The following MACROD2 variants were observed in gnomAD, a reference collection of about 807,000 sequenced individuals.
MACROD2 encodes ADP-ribose glycohydrolase MACROD2.
Under a neutral mutation model 70.4 loss-of-function variants are expected in MACROD2, and 36 were observed. The observed-to-expected ratio is 0.51, with a 90% CI of 0.39 to 0.68. The LOEUF is 0.68. MACROD2 is among the 30% of genes least tolerant of loss of function. MACROD2 has a pLI of 0.00. For missense variants in MACROD2, 496 were observed against 538.4 expected, an observed-to-expected ratio of 0.92 and a Z score of 0.78; for synonymous variants, 172 against 178.8, an observed-to-expected ratio of 0.96 and a Z score of 0.30.
At chr20:15,672,612 C>G (rs983919693) in intron 8 of MACROD2, among the ~76,000 whole-genome samples, 1 of 152,114 alleles carries the variant, frequency 6.6e-6, no homozygotes, top group Admixed American at 6.5e-5. Flanking sequence ...CCAATTCACA[C>G]GACATATTCT....
At chr20:14,289,158 T>C (rs937888549) in intron 3 of MACROD2, among the ~76,000 whole-genome samples, 4 of 152,160 alleles carry the variant, frequency 2.6e-5, no homozygotes, top group African/African-American at 4.8e-5. Context: ...GGGACTCTAT[T>C]CAGTACAGAT....
intron 8 of MACROD2, among the ~76,000 whole-genome samples, chr20:15,789,629 T>C (rs924996069): frequency 6.6e-6 from 1 of 151,564 alleles, no homozygotes; most frequent in Non-Finnish European, 1.5e-5. Flanking sequence ...ATCTGCAGAA[T>C]GAAAAGGAGG....
At chr20:16,034,612 T>TTTTG in intron 15 of MACROD2, among the ~76,000 whole-genome samples, 1 of 152,124 alleles carries the variant, frequency 6.6e-6, no homozygotes, top group Middle Eastern at 3.4e-3. Context: ...ACAGTTTATT[T>TTTTG]TTTGTTTGTT....
intron 8 of MACROD2, among the ~76,000 whole-genome samples, chr20:15,675,379 A>C (rs1290352780): frequency 6.6e-6 from 1 of 152,204 alleles, no homozygotes; most frequent in Non-Finnish European, 1.5e-5. Context: ...GCCTCCCATG[A>C]GGTCAAAGGT....
At chr20:15,399,454 TC>T (rs2045901300) in intron 6 of MACROD2, among the ~76,000 whole-genome samples, 3 of 152,214 alleles carry the variant, frequency 2.0e-5, no homozygotes. Context: ...GGAGCATATA[TC>T]TAGCATGCAA....
intron 5 of MACROD2, among the ~76,000 whole-genome samples, chr20:14,704,443 G>T (rs2071243835): frequency 6.6e-6 from 1 of 152,062 alleles, no homozygotes; most frequent in South Asian, 2.1e-4. Flanking sequence ...TACCCACAGT[G>T]GTAACTGGCT....
intron 8 of MACROD2, among the ~76,000 whole-genome samples, chr20:15,843,849 G>C (rs2064200731): frequency 6.6e-6 from 1 of 152,100 alleles, no homozygotes. Context: ...TGACACTCCT[G>C]AATTTTTATG....
At chr20:15,683,678 A>T (rs571333156) in intron 8 of MACROD2, among the ~76,000 whole-genome samples, 15 of 152,212 alleles carry the variant, frequency 9.9e-5, no homozygotes, top group African/African-American at 3.6e-4. Flanking sequence ...TCCTGGGTTC[A>T]AATGATTCTC....
chr20:14,394,965 C>G (rs555251858), intron 3 of MACROD2, among the ~76,000 whole-genome samples: 1 of 152,146 alleles, frequency 6.6e-6, no homozygotes, highest in South Asian at 2.1e-4. Flanking sequence ...AATATGCTAT[C>G]TTTTTAATAT....
chr20:14,074,969 A>G (rs537252498), intron 2 of MACROD2, among the ~76,000 whole-genome samples: 4 of 152,292 alleles, frequency 2.6e-5, no homozygotes, highest in African/African-American at 9.6e-5. Flanking sequence ...TGTAGATGCT[A>G]TACAGCCATT....
At position 15,870,409 on chromosome 20, in the gene MACROD2, C is replaced by T. The variant is rs113223571; in HGVS notation, c.727+7583C>T. On this transcript the variant is annotated intron_variant, in intron 9 of 17. Transcript: ENST00000684519. ...TATTAATGTAAATAAAAACGTACCA[C>T]GAACCTAGACTGAAACTGCTACAGT... Among the ~76,000 whole-genome samples the T allele has an allele frequency of 2.6e-3, 391 of 152,136 alleles. 2 individuals are homozygous for T. The highest frequency in any genetic ancestry group is 8.8e-3 in the African/African-American group (366 of 41,516).
chr20:15,184,712 C>A (rs1230750641), intron 5 of MACROD2, among the ~76,000 whole-genome samples: 1 of 152,208 alleles, frequency 6.6e-6, no homozygotes, highest in Non-Finnish European at 1.5e-5. Flanking sequence ...TGCGACAATT[C>A]TGGGAAATGC....
At chr20:15,269,571 AAAAGATTATC>A (rs1185777597) in intron 6 of MACROD2, among the ~76,000 whole-genome samples, 1 of 152,248 alleles carries the variant, frequency 6.6e-6, no homozygotes, top group Non-Finnish European at 1.5e-5. Flanking sequence ...ATAGTCAGTG[AAAAGATTATC>A]ATCTCTTCTG....
chr20:14,418,116 C>T (rs1280900084), intron 3 of MACROD2, among the ~76,000 whole-genome samples: 2 of 152,036 alleles, frequency 1.3e-5, no homozygotes, highest in East Asian at 1.9e-4. Context: ...AATTATAGTT[C>T]GAGCCTCTGA....
chr20:14,991,144 C>A (rs1044753282), intron 5 of MACROD2, among the ~76,000 whole-genome samples: 1 of 152,142 alleles, frequency 6.6e-6, no homozygotes, highest in African/African-American at 2.4e-5. Context: ...TGGCTTGAGA[C>A]ACTTTCCACC....
At chr20:14,347,997 T>TAC (rs778653291) in intron 3 of MACROD2, among the ~76,000 whole-genome samples, 12 of 152,018 alleles carry the variant, frequency 7.9e-5, no homozygotes, top group Non-Finnish European at 1.6e-4. Flanking sequence ...CACGGTGGCT[T>TAC]ACACCTGTAA....
intron 15 of MACROD2, among the ~76,000 whole-genome samples, chr20:16,018,800 G>A (rs2066964078): frequency 6.6e-6 from 1 of 152,060 alleles, no homozygotes; most frequent in Admixed American, 6.6e-5. Context: ...TGTCTTGCAA[G>A]GAAATAATTG....
chr20:15,293,334 TTAAG>T (rs1250835885), intron 6 of MACROD2, among the ~76,000 whole-genome samples: 2 of 152,260 alleles, frequency 1.3e-5, no homozygotes, highest in East Asian at 1.9e-4. Flanking sequence ...TTTGAATGAA[TTAAG>T]TTTTAGAATA....
At chr20:14,803,774 C>G (rs1053668207) in intron 5 of MACROD2, among the ~76,000 whole-genome samples, 1 of 152,068 alleles carries the variant, frequency 6.6e-6, no homozygotes. Flanking sequence ...AGCCACGGCA[C>G]CTGGCCTGTT....
Sources: allele counts gnomAD v4.1 joint callset (sites outside exome capture counted in the v4.1 genomes callset), GRCh38; gene constraint gnomAD v4.1.1; transcripts MANE v1.5; gene names NCBI Gene and HGNC (gene_info 2026-07-23, HGNC 2026-07-21).